Variants in PCDHA1 observed in about 807,000 individuals in gnomAD.
PCDHA1 encodes protocadherin alpha 1.
PCDHA1 carries 42 observed loss-of-function variants against 61.3 expected under a neutral mutation model. The ratio of observed to expected loss-of-function variants is 0.69; its 90% confidence interval spans 0.54 to 0.89. The LOEUF (loss-of-function observed/expected upper bound fraction) is 0.89, where lower values mean the gene tolerates loss of function less well. PCDHA1 is among the 40% of genes least tolerant of loss of function. The pLI is 0.00. For missense variants in PCDHA1, 1,256 were observed against 1,235.3 expected (o/e 1.02, Z -0.25); for synonymous variants, 610 against 553.8 (o/e 1.10, Z -1.43).
At chr5:140,822,921 G>A (rs2150120413) in intron 1 of PCDHA1, 1 of 1,614,234 alleles carries the variant, frequency 6.2e-7, no homozygotes, top group Non-Finnish European at 8.5e-7. Context: ...GTGCCAACGG[G>A]CAGGTGACCT....
rs547015879 is a variant in PCDHA1 at position 140,902,341 on chromosome 5, G to A, written c.2395-76608G>A. 1.8e-3 allele frequency among the ~76,000 whole-genome samples: 276 copies of A among 151,446 alleles called. 1 individual carries two copies. The highest frequency in any genetic ancestry group is 3.7e-3 in the Non-Finnish European group (250 of 67,812). The stretch of plus-strand genomic sequence containing the variant: ...GTGTAACTCACTTCGCCTGGCCTAG[G>A]AAGCCCTTTATTTCTTTCTCTTGTC... On this transcript the variant is annotated intron_variant, in intron 1 of 3. Transcript: ENST00000504120.
At chr5:140,908,804 T>C (rs1157142483) in intron 1 of PCDHA1, among the ~76,000 whole-genome samples, 2 of 152,162 alleles carry the variant, frequency 1.3e-5, no homozygotes, top group African/African-American at 4.8e-5. Context: ...CATTAAAAAG[T>C]GAGAGCCTTT....
chr5:140,850,627 T>C lies in PCDHA1; in HGVS notation c.2394+61943T>C, dbSNP rs2150491342. 1.9e-6 allele frequency: 3 copies of C among 1,598,642 alleles called. No individual in the cohort carries two copies. The South Asian group carries it at 3.3e-5, about 18-fold the overall frequency. ...GCCATCTGCGCGGTGTCTAGCCTGT[T>C]GGTTCTCACGCTGCTGCTGTACACT... On this transcript the variant is annotated intron_variant, in intron 1 of 3. Transcript: ENST00000504120.
chr5:140,802,545 G>A (rs1305664229), intron 1 of PCDHA1: 6 of 1,614,102 alleles, frequency 3.7e-6, no homozygotes, highest in African/African-American at 1.3e-5. Flanking sequence ...CGACGTGAAC[G>A]ACAATGCGCC....
intron 1 of PCDHA1, chr5:140,802,958 G>A (rs1213340646): frequency 2.5e-6 from 4 of 1,613,836 alleles, no homozygotes; most frequent in Non-Finnish European, 3.4e-6. Flanking sequence ...CAGTGGGTGC[G>A]GGCCACGTGG....
intron 1 of PCDHA1, among the ~76,000 whole-genome samples, chr5:140,846,195 A>G (rs2150385667): frequency 6.7e-6 from 1 of 149,594 alleles, no homozygotes; most frequent in Admixed American, 6.7e-5. Context: ...AGTTCTTTGT[A>G]TGTATGAGAT....
intron 1 of PCDHA1, among the ~76,000 whole-genome samples, chr5:140,970,131 A>G (rs1554232260): frequency 6.6e-6 from 1 of 152,186 alleles, no homozygotes; most frequent in Non-Finnish European, 1.5e-5. Context: ...GAAGGAAGAG[A>G]AGGGAAAAAG....
At chr5:140,808,794 C>G (rs1465939551) in intron 1 of PCDHA1, 11 of 1,612,506 alleles carry the variant, frequency 6.8e-6, no homozygotes, top group South Asian at 4.4e-5. Flanking sequence ...TTTCAGGTGA[C>G]CGCTCGCGAT....
At chr5:140,824,635 T>TTTTTTTTTTTTC (rs1768301721) in intron 1 of PCDHA1, 1 of 144,392 alleles carries the variant, frequency 6.9e-6, no homozygotes, top group African/African-American at 2.7e-5. Flanking sequence ...TTTTTTTTAT[T>TTTTTTTTTTTTC]TTCTGTAGAG....
chr5:140,875,826 T>C lies in PCDHA1; in HGVS notation c.2394+87142T>C, dbSNP rs367888868. ...TGGACAGGCCGCTGCAGGTTTTCCA[T>C]GTGGACGTGGAGGTGAAGGACATTA... is the stretch of plus-strand genomic sequence containing the variant. On this transcript the variant is annotated intron_variant, in intron 1 of 3. Coordinates refer to ENST00000504120, the MANE Select transcript of PCDHA1 (RefSeq NM_018900.4). 25 of 1,614,126 alleles carry C rather than the reference T, an allele frequency of 1.5e-5. No homozygotes were observed. In the African/African-American group the frequency reaches 2.3e-4, roughly 15 times the overall value.
At chr5:140,940,645 A>G (rs1554213545) in intron 1 of PCDHA1, among the ~76,000 whole-genome samples, 1 of 152,156 alleles carries the variant, frequency 6.6e-6, no homozygotes, top group Non-Finnish European at 1.5e-5. Flanking sequence ...TCATTTATTT[A>G]TTTAAATATA....
intron 1 of PCDHA1, chr5:140,816,075 T>G (rs1464716932): frequency 6.6e-6 from 1 of 152,232 alleles, no homozygotes; most frequent in African/African-American, 2.4e-5. Flanking sequence ...AGATGTAATT[T>G]TAAAAAATAA....
chr5:140,796,845 C>T (rs1554120151), intron 1 of PCDHA1: 29 of 1,614,098 alleles, frequency 1.8e-5, no homozygotes, highest in Non-Finnish European at 2.5e-5. Context: ...TGGGGCTATA[C>T]ACGGGTGAGA....
intron 1 of PCDHA1, among the ~76,000 whole-genome samples, chr5:140,880,485 G>T (rs957327401): frequency 6.6e-6 from 1 of 152,190 alleles, no homozygotes; most frequent in Non-Finnish European, 1.5e-5. Flanking sequence ...GACACAAGAA[G>T]AGAGCAATTG....
At chr5:140,964,792 C>T (rs183206526) in intron 1 of PCDHA1, among the ~76,000 whole-genome samples, 5 of 151,738 alleles carry the variant, frequency 3.3e-5, no homozygotes, top group African/African-American at 7.3e-5. Context: ...AAGCCAGAGA[C>T]CCAAGAAAGG....
intron 1 of PCDHA1, chr5:140,883,466 A>T: frequency 6.2e-7 from 1 of 1,614,128 alleles, no homozygotes; most frequent in Non-Finnish European, 8.5e-7. Flanking sequence ...GCTGGTGTCC[A>T]CCTACAAGAA....
chr5:140,900,840 T>A (rs6874218), intron 1 of PCDHA1, among the ~76,000 whole-genome samples: 3 of 151,950 alleles, frequency 2.0e-5, no homozygotes, highest in Non-Finnish European at 4.4e-5. Context: ...ATGTACAAAG[T>A]TTCCCTTTTT....
At chr5:140,982,688 ATACATACATGATTTCCT>A in intron 3 of PCDHA1, 125 bp downstream of exon 3, 1 of 1,415,764 alleles carries the variant, frequency 7.1e-7, no homozygotes, top group African/African-American at 1.4e-5. Flanking sequence ...CCTTTTTTCC[ATACATACATGATTTCCT>A]TACATATATG....
chr5:140,795,527 TA>T (rs1761966164), intron 1 of PCDHA1: 1 of 1,614,188 alleles, frequency 6.2e-7, no homozygotes, highest in East Asian at 2.2e-5. Flanking sequence ...AATGATGAAC[TA>T]AGCGAATCTT....
Sources: allele counts gnomAD v4.1 joint callset (sites outside exome capture counted in the v4.1 genomes callset), GRCh38; gene constraint gnomAD v4.1.1; transcripts MANE v1.5; gene names NCBI Gene and HGNC (gene_info 2026-07-23, HGNC 2026-07-21).